Variants in DYM observed in about 807,000 individuals in gnomAD.
DYM encodes dyggve-Melchior-Clausen syndrome protein.
DYM carries 78 observed loss-of-function variants against 93.1 expected under a neutral mutation model. That is an observed-to-expected ratio of 0.84 (90% confidence interval 0.70 to 1.01). The LOEUF is 1.01. Among genes scored for constraint, DYM ranks in the 50% least tolerant of loss-of-function variants. The probability of loss-of-function intolerance (pLI) is 0.00; values close to 1 mark genes in which losing one functional copy is unlikely to be tolerated. For missense variants in DYM, 789 were observed against 845.0 expected, an observed-to-expected ratio of 0.93 and a Z score of 0.82; for synonymous variants, 321 against 319.7, an observed-to-expected ratio of 1.00 and a Z score of -0.04.
intron 16 of DYM, among the ~76,000 whole-genome samples, chr18:49,101,711 T>A (rs961092593): frequency 6.6e-6 from 1 of 152,174 alleles, no homozygotes; most frequent in Non-Finnish European, 1.5e-5. Context: ...TATTTCCTCA[T>A]TGACTTGAGT....
intron 13 of DYM, among the ~76,000 whole-genome samples, chr18:49,226,428 C>T (rs552502354): frequency 1.3e-5 from 2 of 152,276 alleles, no homozygotes; most frequent in African/African-American, 4.8e-5. Flanking sequence ...CCAATATGGC[C>T]ATGCAGCAAT....
chr18:49,422,477 A>G (rs1355728692), intron 2 of DYM, among the ~76,000 whole-genome samples: 1 of 152,238 alleles, frequency 6.6e-6, no homozygotes, highest in African/African-American at 2.4e-5. Context: ...GCTAGGAAGA[A>G]ACTGCATCAA....
intron 17 of DYM, among the ~76,000 whole-genome samples, chr18:49,045,724 C>G (rs533308168): frequency 6.6e-6 from 1 of 152,104 alleles, no homozygotes; most frequent in East Asian, 1.9e-4. Flanking sequence ...GAGGTGGCAG[C>G]CAGACGAAGG....
chr18:49,089,733 CTGTT>C (rs1378789875), intron 17 of DYM, among the ~76,000 whole-genome samples: 1 of 152,184 alleles, frequency 6.6e-6, no homozygotes, highest in African/African-American at 2.4e-5. Context: ...CTCCAGGTGA[CTGTT>C]CATTAATTAA....
At chr18:49,251,130 G>A (rs1039154044) in intron 13 of DYM, among the ~76,000 whole-genome samples, 3 of 152,222 alleles carry the variant, frequency 2.0e-5, no homozygotes, top group Middle Eastern at 3.2e-3. Context: ...AAATCACAGT[G>A]AAGAGCACAG....
intron 1 of DYM, among the ~76,000 whole-genome samples, chr18:49,450,670 AC>A (rs2082448747): frequency 6.6e-6 from 1 of 152,214 alleles, no homozygotes; most frequent in African/African-American, 2.4e-5. Context: ...AATTGCCAAA[AC>A]GATGTCCAAT....
intron 17 of DYM, among the ~76,000 whole-genome samples, chr18:49,070,335 A>G (rs144776212): frequency 2.0e-5 from 3 of 152,282 alleles, no homozygotes; most frequent in African/African-American, 7.2e-5. Context: ...GATGAGTTAG[A>G]CCTGTCCTTG....
intron 3 of DYM, among the ~76,000 whole-genome samples, chr18:49,385,828 G>C (rs1206311338): frequency 6.6e-6 from 1 of 151,956 alleles, no homozygotes; most frequent in African/African-American, 2.4e-5. Context: ...GCATGCTTGG[G>C]GTCAGGAGTT....
chr18:49,069,585 T>C (rs1342419243), intron 17 of DYM, among the ~76,000 whole-genome samples: 1 of 152,254 alleles, frequency 6.6e-6, no homozygotes, highest in Non-Finnish European at 1.5e-5. Context: ...ACAACACATA[T>C]ACTTATAAAA....
chr18:49,065,177 C>T (rs755999373), intron 17 of DYM, among the ~76,000 whole-genome samples: 9 of 152,176 alleles, frequency 5.9e-5, no homozygotes, highest in Non-Finnish European at 8.8e-5. Context: ...TTGCACTGCA[C>T]GTCACTAAAA....
At chr18:49,323,713 T>C (rs1474269442) in intron 8 of DYM, among the ~76,000 whole-genome samples, 1 of 152,194 alleles carries the variant, frequency 6.6e-6, no homozygotes, top group African/African-American at 2.4e-5. Context: ...CTGTGAGAAA[T>C]ACATTTCTGT....
At chr18:49,195,936 T>G (rs1298063104) in intron 14 of DYM, among the ~76,000 whole-genome samples, 2 of 114,642 alleles carry the variant, frequency 1.7e-5, no homozygotes, top group African/African-American at 7.2e-5. Flanking sequence ...TTTTTTTTTT[T>G]TTTTTGAGAC....
chr18:49,189,227 C>T (rs142991476), intron 14 of DYM, among the ~76,000 whole-genome samples: 3 of 152,142 alleles, frequency 2.0e-5, no homozygotes, highest in Non-Finnish European at 4.4e-5. Context: ...ATATGGGTGA[C>T]GGGATCAACA....
intron 3 of DYM, among the ~76,000 whole-genome samples, chr18:49,382,362 T>C (rs760752722): frequency 2.0e-5 from 3 of 152,194 alleles, no homozygotes; most frequent in Admixed American, 6.5e-5. Flanking sequence ...AAAGTTTCCA[T>C]GATACTCTTT....
chr18:49,359,538 C>T (rs1364198790), intron 6 of DYM, among the ~76,000 whole-genome samples: 3 of 152,136 alleles, frequency 2.0e-5, no homozygotes, highest in Non-Finnish European at 2.9e-5. Context: ...TTCAAGTATG[C>T]CACTGATCCT....
At chr18:49,423,854 T>A (rs983499355) in intron 2 of DYM, among the ~76,000 whole-genome samples, 2 of 152,174 alleles carry the variant, frequency 1.3e-5, no homozygotes, top group Non-Finnish European at 2.9e-5. Context: ...CAGGAAGAAG[T>A]TGAATCCCTG....
chr18:49,107,295 T>C (rs1255472586), intron 16 of DYM, among the ~76,000 whole-genome samples: 1 of 152,308 alleles, frequency 6.6e-6, no homozygotes, highest in Admixed American at 6.5e-5. Context: ...GTTATTCTAG[T>C]TAGCCATTCG....
intron 9 of DYM, among the ~76,000 whole-genome samples, chr18:49,284,406 C>G (rs1270431401): frequency 6.6e-6 from 1 of 152,156 alleles, no homozygotes; most frequent in Non-Finnish European, 1.5e-5. Flanking sequence ...CTTCATTGTA[C>G]TACATGGTCT....
chr18:49,266,746 C>T (rs1221815827), intron 11 of DYM, among the ~76,000 whole-genome samples: 2 of 152,188 alleles, frequency 1.3e-5, no homozygotes, highest in Non-Finnish European at 2.9e-5. Flanking sequence ...AAGGTATTCA[C>T]ATCTTAGGTG....
Sources: gnomAD v4.1 joint callset for allele counts (sites outside exome capture counted in the v4.1 genomes callset) on GRCh38, gnomAD v4.1.1 for gene constraint, MANE v1.5 for transcripts, NCBI Gene and HGNC (gene_info 2026-07-23, HGNC 2026-07-21) for gene names.